The following PLEKHA7 variants were observed in gnomAD, a reference collection of about 807,000 sequenced individuals.
PLEKHA7 encodes pleckstrin homology domain containing A7, also known as pleckstrin homology domain-containing family A member 7.
PLEKHA7 carries 104 observed loss-of-function variants against 170.0 expected under a neutral mutation model. The ratio of observed to expected loss-of-function variants is 0.61; its 90% confidence interval spans 0.52 to 0.72. The LOEUF (loss-of-function observed/expected upper bound fraction) is 0.72, where lower values mean the gene tolerates loss of function less well. Ranked by LOEUF, PLEKHA7 falls within the 30% of genes least tolerant of loss-of-function variation. The pLI, the probability that PLEKHA7 is intolerant of heterozygous loss-of-function variation, is 0.00. For missense variants in PLEKHA7, 1,615 were observed against 1,671.7 expected (o/e 0.97, Z 0.59); for synonymous variants, 648 against 660.8 (o/e 0.98, Z 0.30).
Position 16,997,903 on chromosome 11 carries a change from G to A in PLEKHA7, c.221+16086C>T, listed in dbSNP as rs114946811. 5.9e-3 allele frequency among the ~76,000 whole-genome samples: 899 copies of A among 152,294 alleles called. 10 individuals are homozygous for A. The highest frequency in any genetic ancestry group is 0.017 in the African/African-American group (696 of 41,558). On this transcript the variant is annotated intron_variant, in intron 3 of 26. Coordinates refer to ENST00000531066, the MANE Select transcript of PLEKHA7 (RefSeq NM_001329630.2). ...TGAAATAAACTGGAGCAGTCTCCAC[G>A]GCACAGCCTGTCACAGAACATGGTG... is the stretch of plus-strand genomic sequence containing the variant.
At chr11:16,903,822 AATTG>A (rs1380940961) in intron 3 of PLEKHA7, among the ~76,000 whole-genome samples, 2 of 152,198 alleles carry the variant, frequency 1.3e-5, no homozygotes, top group African/African-American at 4.8e-5. Context: ...GCCTTCCACA[AATTG>A]ATTTAGTTTC....
At chr11:16,956,499 T>A (rs1189689827) in intron 3 of PLEKHA7, among the ~76,000 whole-genome samples, 7 of 152,198 alleles carry the variant, frequency 4.6e-5, no homozygotes, top group Admixed American at 4.6e-4. Context: ...CAGTTTAGTG[T>A]TCCTCCCACC....
At chr11:16,826,733 C>G in intron 9 of PLEKHA7, 143 bp from the exon 10 acceptor site, 1 of 760,674 alleles carries the variant, frequency 1.3e-6, no homozygotes, top group African/African-American at 1.8e-5. Context: ...CTCACTCTGC[C>G]TGCCTAACTT....
At chr11:16,801,558 T>G in intron 16 of PLEKHA7, 110 bp downstream of exon 16, 1 of 1,361,700 alleles carries the variant, frequency 7.3e-7, no homozygotes, top group Non-Finnish European at 1.0e-6. Flanking sequence ...GCTCTGCTAT[T>G]TCAGGACTCT....
chr11:16,980,383 C>G (rs978571507), intron 3 of PLEKHA7, among the ~76,000 whole-genome samples: 1 of 152,202 alleles, frequency 6.6e-6, no homozygotes, highest in East Asian at 1.9e-4. Flanking sequence ...CAGAGAGAGC[C>G]TGGCAAGTGG....
intron 4 of PLEKHA7, among the ~76,000 whole-genome samples, chr11:16,860,692 G>A: frequency 6.6e-6 from 1 of 152,144 alleles, no homozygotes; most frequent in East Asian, 1.9e-4. Flanking sequence ...CCAAAACCTG[G>A]GCTTTGCCAC....
chr11:16,979,258 A>G lies in PLEKHA7; in HGVS notation c.221+34731T>C, dbSNP rs560441739. ...TTGGCCAGGCTGGTCTCGAACTCCT[A>G]ACCTCACGACCCACCTGCCTCGGCC... is the stretch of plus-strand genomic sequence containing the variant. On this transcript the variant is annotated intron_variant, in intron 3 of 26. Transcript: ENST00000531066. Among the ~76,000 whole-genome samples, 80 of 152,122 alleles carry G rather than the reference A, an allele frequency of 5.3e-4. No homozygotes were observed. The South Asian group carries it at 0.013, about 24-fold the overall frequency.
At chr11:16,975,439 G>A (rs1863001478) in intron 3 of PLEKHA7, among the ~76,000 whole-genome samples, 1 of 152,064 alleles carries the variant, frequency 6.6e-6, no homozygotes, top group African/African-American at 2.4e-5. Context: ...AAACTGATGA[G>A]ATAAACATAA....
At chr11:16,887,315 CT>C in intron 3 of PLEKHA7, among the ~76,000 whole-genome samples, 1 of 138,694 alleles carries the variant, frequency 7.2e-6, no homozygotes, top group Non-Finnish European at 1.6e-5. Context: ...CTCCCTCTCC[CT>C]CTCCCTCTCC....
chr11:16,971,106 G>A (rs560523092), intron 3 of PLEKHA7, among the ~76,000 whole-genome samples: 1 of 152,276 alleles, frequency 6.6e-6, no homozygotes, highest in South Asian at 2.1e-4. Flanking sequence ...GTTTTTAATA[G>A]ACAGAAACAG....
Position 16,871,154 on chromosome 11 carries a change from G to C in PLEKHA7, c.250C>G (p.His84Asp). 5.6e-6 allele frequency: 9 copies of C among 1,609,722 alleles called. No homozygotes were observed. The highest frequency in any genetic ancestry group is 7.7e-6 in the Non-Finnish European group (9 of 1,176,142). ...GGAGAAAACTGTCCCGTCACAGGAT[G>C]CCTGAATGCTGTGGTCTGCTGGTTA... ...DHNQQTTAFR[H>D]PVTGQFSPEN... is the part of the protein sequence containing the mutation. Residue 84 changes from histidine to aspartate, a missense_variant, in exon 4 of 27, where the codon CAT becomes GAT. Coordinates refer to ENST00000531066, the MANE Select transcript of PLEKHA7 (RefSeq NM_001329630.2).
At chr11:16,850,596 C>A (rs535530791) in intron 8 of PLEKHA7, among the ~76,000 whole-genome samples, 47 of 152,268 alleles carry the variant, frequency 3.1e-4, no homozygotes, top group African/African-American at 1.1e-3. Context: ...TGCTACAGGG[C>A]AAAACTACCA....
At chr11:16,876,952 T>G (rs1268280085) in intron 3 of PLEKHA7, among the ~76,000 whole-genome samples, 1 of 152,142 alleles carries the variant, frequency 6.6e-6, no homozygotes, top group East Asian at 1.9e-4. Context: ...CCCTGATAAA[T>G]CTGGTTTTCT....
At chr11:16,861,107 AAAC>A (rs1396320368) in intron 4 of PLEKHA7, among the ~76,000 whole-genome samples, 1 of 152,216 alleles carries the variant, frequency 6.6e-6, no homozygotes, top group African/African-American at 2.4e-5. Flanking sequence ...ATTAACTTCT[AAAC>A]AACAGTCATC....
intron 3 of PLEKHA7, among the ~76,000 whole-genome samples, chr11:16,902,252 C>T (rs12364529): frequency 0.086 from 13,093 of 152,236 alleles, 780 homozygotes; most frequent in Non-Finnish European, 0.13. Context: ...CATCAGTTGA[C>T]GGACTTTGGG....
chr11:16,826,651 TG>T, intron 9 of PLEKHA7, 61 bp from the exon 10 acceptor site: 1 of 1,437,202 alleles, frequency 7.0e-7, no homozygotes, highest in Non-Finnish European at 9.6e-7. Context: ...TGAAATGCAC[TG>T]TACACTCAAT....
chr11:16,826,091 T>C (rs781026771), intron 10 of PLEKHA7, 29 bp downstream of exon 10: 1 of 1,594,432 alleles, frequency 6.3e-7, no homozygotes, highest in Non-Finnish European at 8.6e-7. Context: ...GTGCTCGTTA[T>C]AAGCAGCGAT....
intron 3 of PLEKHA7, among the ~76,000 whole-genome samples, chr11:16,972,920 G>A (rs1862814683): frequency 6.6e-6 from 1 of 152,172 alleles, no homozygotes; most frequent in Non-Finnish European, 1.5e-5. Flanking sequence ...AGAGGCATAA[G>A]CCCCAAGGCC....
Position 16,791,731 on chromosome 11 carries a change from A to G in PLEKHA7, c.2746-532T>C. ...CCTGGCCTTTCTATCAGAAATGTGC[A>G]TGGTTACAAAATATTTCCTCCTTCC... is the stretch of plus-strand genomic sequence containing the variant. On this transcript the variant is annotated intron_variant, in intron 19 of 26. Coordinates refer to ENST00000531066, the MANE Select transcript of PLEKHA7 (RefSeq NM_001329630.2). This position sits in a 1 kb window ranked among gnomAD's most constrained non-coding sequence, Gnocchi z 4.5. 2.2e-6 allele frequency: 1 copy of G among 455,088 alleles called. No individual in the cohort carries two copies. Among genetic ancestry groups the G allele is most frequent in the South Asian group, 1.6e-5 (1 of 64,356 alleles). The allele number at this position is 455,088 out of a possible 1,614,324, so 28.2% of individuals were successfully genotyped here. A position where few individuals can be genotyped will look rare whatever the true frequency, so the allele number is the denominator to read the frequency against.
Sources: gnomAD v4.1 joint callset for allele counts (sites outside exome capture counted in the v4.1 genomes callset) on GRCh38, gnomAD v4.1.1 for gene constraint, Gnocchi (gnomAD v3.1) non-coding constraint, MANE v1.5 for transcripts, NCBI Gene and HGNC (gene_info 2026-07-23, HGNC 2026-07-21) for gene names.